The following IL1RAPL1 variants were observed in gnomAD, a reference collection of about 807,000 sequenced individuals.
IL1RAPL1 encodes the protein interleukin 1 receptor accessory protein like 1, also known as interleukin-1 receptor accessory protein-like 1.
A neutral mutation model predicts 48.4 loss-of-function variants in IL1RAPL1; 3 were observed. The observed-to-expected ratio is 0.06, with a 90% CI of 0.03 to 0.16. The LOEUF (loss-of-function observed/expected upper bound fraction) is 0.16. Ranked by LOEUF, IL1RAPL1 falls within the 10% of genes least tolerant of loss-of-function variation. The pLI is 1.00. For synonymous variants in IL1RAPL1, 185 were observed against 187.7 expected (o/e 0.99, Z 0.12); for missense variants, 349 against 530.6 (o/e 0.66, Z 3.36).
At chrX:29,598,182 A>G (rs1383038611) in intron 5 of IL1RAPL1, among the ~76,000 whole-genome samples, 2 of 111,921 alleles carry the variant, frequency 1.8e-5, no homozygotes, top group Non-Finnish European at 1.9e-5. Flanking sequence ...CTTTCCTGTT[A>G]GCACCGCTTT....
chrX:28,730,670 A>T (rs1266761254), intron 1 of IL1RAPL1, among the ~76,000 whole-genome samples: 1 of 112,028 alleles, frequency 8.9e-6, no homozygotes, highest in Non-Finnish European at 1.9e-5. Context: ...ATTATTTTAC[A>T]TTCATGCATT....
intron 1 of IL1RAPL1, among the ~76,000 whole-genome samples, chrX:28,660,231 C>T (rs1195381319): frequency 9.2e-6 from 1 of 108,894 alleles, no homozygotes; most frequent in East Asian, 2.9e-4. Context: ...GTCTCAAAAG[C>T]ATTGAAATAC....
At chrX:28,590,218 C>T (rs1326700067) in intron 1 of IL1RAPL1, among the ~76,000 whole-genome samples, 1 of 111,468 alleles carries the variant, frequency 9.0e-6, no homozygotes, top group Non-Finnish European at 1.9e-5. Context: ...TTCTGAAATC[C>T]TAACCCTGTT....
At chrX:28,897,238 T>A (rs1355482817) in intron 2 of IL1RAPL1, among the ~76,000 whole-genome samples, 1 of 110,414 alleles carries the variant, frequency 9.1e-6, no homozygotes, top group Non-Finnish European at 1.9e-5. Context: ...TCTTGCCCCC[T>A]AGAAAAGCTG....
At chrX:29,035,235 C>T (rs1406992640) in intron 2 of IL1RAPL1, among the ~76,000 whole-genome samples, 1 of 111,293 alleles carries the variant, frequency 9.0e-6, no homozygotes, top group Non-Finnish European at 1.9e-5. Flanking sequence ...GCTTGAGCCA[C>T]TGATTATCAA....
chrX:29,868,845 A>G (rs1931749021), intron 6 of IL1RAPL1, among the ~76,000 whole-genome samples: 1 of 112,494 alleles, frequency 8.9e-6, no homozygotes, highest in East Asian at 2.8e-4. Context: ...CTCATGGGAT[A>G]GGCAGTGTGG....
intron 2 of IL1RAPL1, among the ~76,000 whole-genome samples, chrX:28,971,751 T>A (rs1292847330): frequency 9.0e-6 from 1 of 110,842 alleles, no homozygotes; most frequent in East Asian, 2.8e-4. Flanking sequence ...GTAAGGAGAA[T>A]TGAAAGTTTT....
chrX:29,345,137 C>G (rs1281120023), intron 3 of IL1RAPL1, among the ~76,000 whole-genome samples: 1 of 112,153 alleles, frequency 8.9e-6, no homozygotes, highest in East Asian at 2.8e-4. Context: ...AGTTATAATC[C>G]ATGAATATGC....
chrX:29,154,345 G>T (rs1459361963), intron 2 of IL1RAPL1, among the ~76,000 whole-genome samples: 1 of 111,163 alleles, frequency 9.0e-6, no homozygotes, highest in Non-Finnish European at 1.9e-5. Flanking sequence ...TTCGAGACCA[G>T]CCTGGCCAAC....
intron 2 of IL1RAPL1, among the ~76,000 whole-genome samples, chrX:29,257,674 A>G (rs1304275579): frequency 8.9e-6 from 1 of 111,897 alleles, no homozygotes; most frequent in Non-Finnish European, 1.9e-5. Context: ...TAATCCCATC[A>G]AAATGTCTCA....
At chrX:28,698,149 A>G (rs1396601952) in intron 1 of IL1RAPL1, among the ~76,000 whole-genome samples, 1 of 111,708 alleles carries the variant, frequency 9.0e-6, no homozygotes, top group African/African-American at 3.2e-5. Context: ...AACTCAGCCA[A>G]TCTGAAATAA....
chrX:29,499,931 ATCTT>A (rs1935254129), intron 5 of IL1RAPL1, among the ~76,000 whole-genome samples: 1 of 110,968 alleles, frequency 9.0e-6, no homozygotes, highest in Non-Finnish European at 1.9e-5. Context: ...TAAATATTTG[ATCTT>A]TCTTTATGCT....
chrX:29,808,249 A>G (rs1290512366), intron 6 of IL1RAPL1, among the ~76,000 whole-genome samples: 1 of 112,180 alleles, frequency 8.9e-6, no homozygotes, highest in African/African-American at 3.2e-5. Flanking sequence ...ATCTATGACC[A>G]TTCAATGAAA....
At chrX:29,634,418 A>G (rs1924899318) in intron 5 of IL1RAPL1, among the ~76,000 whole-genome samples, 1 of 111,679 alleles carries the variant, frequency 9.0e-6, no homozygotes, top group Non-Finnish European at 1.9e-5. Context: ...AGTGGACATG[A>G]AGAATTGCTG....
chrX:29,351,600 A>G (rs893832894), intron 3 of IL1RAPL1, among the ~76,000 whole-genome samples: 2 of 112,755 alleles, frequency 1.8e-5, no homozygotes, highest in East Asian at 5.6e-4. Context: ...ATTTAATTGT[A>G]TAATGAATAC....
intron 5 of IL1RAPL1, among the ~76,000 whole-genome samples, chrX:29,465,366 G>T (rs781745810): frequency 2.7e-5 from 3 of 111,640 alleles, no homozygotes; most frequent in Admixed American, 1.9e-4. Context: ...TGATTGTGCC[G>T]CTGCACTCCA....
chrX:29,729,069 T>A (rs1485014331), intron 6 of IL1RAPL1, among the ~76,000 whole-genome samples: 1 of 111,748 alleles, frequency 8.9e-6, no homozygotes, highest in Non-Finnish European at 1.9e-5. Context: ...TGGTGTCATG[T>A]CTACGTTTTT....
At chrX:28,688,857 G>T (rs905920158) in intron 1 of IL1RAPL1, among the ~76,000 whole-genome samples, 1 of 110,823 alleles carries the variant, frequency 9.0e-6, no homozygotes, top group Admixed American at 9.6e-5. Flanking sequence ...TCAAACTTTG[G>T]ATTTTCAGAG....
intron 6 of IL1RAPL1, among the ~76,000 whole-genome samples, chrX:29,761,929 G>A (rs1967590805): frequency 8.9e-6 from 1 of 111,751 alleles, no homozygotes; most frequent in Non-Finnish European, 1.9e-5. Context: ...AAGTTTTTCA[G>A]GCACTGAATT....
Sources: gnomAD v4.1 joint callset for allele counts (sites outside exome capture counted in the v4.1 genomes callset) on GRCh38, gnomAD v4.1.1 for gene constraint, MANE v1.5 for transcripts, NCBI Gene and HGNC (gene_info 2026-07-23, HGNC 2026-07-21) for gene names.